RIC1: variants seen among roughly 807,000 people sequenced by gnomAD.
RIC1 encodes guanine nucleotide exchange factor subunit RIC1.
A neutral mutation model predicts 169.0 loss-of-function variants in RIC1; 88 were observed. The observed-to-expected ratio is 0.52, with a 90% CI of 0.44 to 0.62. The LOEUF is 0.62. RIC1 is among the 20% of genes least tolerant of loss of function. The probability of loss-of-function intolerance (pLI) is 0.00; values close to 1 mark genes in which losing one functional copy is unlikely to be tolerated. For missense variants in RIC1, 1,877 were observed against 1,725.5 expected (o/e 1.09, Z -1.56); for synonymous variants, 790 against 601.5 (o/e 1.31, Z -4.59).
intron 17 of RIC1, among the ~76,000 whole-genome samples, chr9:5,758,175 GTTAA>G (rs1826118911): frequency 6.6e-6 from 1 of 152,138 alleles, no homozygotes; most frequent in Admixed American, 6.5e-5. Flanking sequence ...TTTATAATTA[GTTAA>G]TTATGAGGAA....
intron 3 of RIC1, among the ~76,000 whole-genome samples, chr9:5,701,502 A>C (rs1301038806): frequency 6.6e-6 from 1 of 152,012 alleles, no homozygotes; most frequent in Non-Finnish European, 1.5e-5. Flanking sequence ...AGGAGGCTGA[A>C]GCAAATTGCT....
Position 5,755,373 on chromosome 9 carries a change from C to A in RIC1, c.1692+443C>A, listed in dbSNP as rs540583651. 4.6e-5 allele frequency among the ~76,000 whole-genome samples: 7 copies of A among 152,228 alleles called. No individual in the cohort carries two copies. The South Asian group carries it at 1.5e-3, about 32-fold the overall frequency. ...AGCACTATCTTTTTTCCTATACATA[C>A]ATACCTATGATAAAGTTTAATTTGT... On this transcript the variant is annotated intron_variant, in intron 15 of 25. Transcript: ENST00000414202.
chr9:5,729,571 C>T (rs1365362057), intron 6 of RIC1, among the ~76,000 whole-genome samples: 1 of 152,040 alleles, frequency 6.6e-6, no homozygotes, highest in East Asian at 1.9e-4. Flanking sequence ...TTTTTTTAAA[C>T]AAAAACTCTT....
chr9:5,695,597 G>C (rs1821848460), intron 3 of RIC1, among the ~76,000 whole-genome samples: 1 of 140,782 alleles, frequency 7.1e-6, no homozygotes, highest in Non-Finnish European at 1.5e-5. Context: ...TTTTGAGACA[G>C]AGTCTCGCTC....
At chr9:5,685,699 T>C (rs919045694) in intron 2 of RIC1, among the ~76,000 whole-genome samples, 21 of 151,060 alleles carry the variant, frequency 1.4e-4, no homozygotes, top group Non-Finnish European at 2.4e-4. Flanking sequence ...GCATTACCAT[T>C]CAGGACATAG....
Position 5,629,280 on chromosome 9 carries a change from A to G in RIC1, c.-30A>G. On this transcript the variant is annotated 5_prime_UTR_variant, in exon 1 of 26. Transcript: ENST00000414202. ...GGGGCCGCTGAGTGTGACGGACGCA[A>G]CTGGGGGCGCCGGGGGCTCCGCACG... 1.4e-6 allele frequency: 2 copies of G among 1,464,586 alleles called. No homozygotes were observed. Among genetic ancestry groups the G allele is most frequent in the Non-Finnish European group, 1.8e-6 (2 of 1,108,576 alleles). The allele number at this position is 1,464,586 out of a possible 1,614,324, so 90.7% of individuals were successfully genotyped here. A position where few individuals can be genotyped will look rare whatever the true frequency, so the allele number is the denominator to read the frequency against.
chr9:5,650,848 A>C (rs1037007598), intron 1 of RIC1, among the ~76,000 whole-genome samples: 1 of 151,864 alleles, frequency 6.6e-6, no homozygotes, highest in Non-Finnish European at 1.5e-5. Flanking sequence ...AATACCAGGG[A>C]CTCTGCCACT....
rs982268642 is a variant in RIC1 at position 5,769,136 on chromosome 9, G to T, written c.3304G>T (p.Ala1102Ser). Residue 1102 changes from alanine (A) to serine (S), a missense_variant, in exon 22 of 26, where the codon GCC becomes TCC. Transcript: ENST00000414202. ...GCTATGCAAGGAACGTACCCGAGCCGCCCGGGTAGACAACTTTGTAATAGC... is the reference window on the plus strand; with the variant it reads ...GCTATGCAAGGAACGTACCCGAGCCTCCCGGGTAGACAACTTTGTAATAGC... ...SWLCKERTRA[A>S]RVDNFVIALK... 8 of 1,613,978 alleles carry T rather than the reference G, an allele frequency of 5.0e-6. No homozygotes were observed. In the African/African-American group the frequency reaches 1.1e-4, roughly 22 times the overall value.
At chr9:5,768,880 T>C in intron 21 of RIC1, 90 bp from the exon 22 acceptor site, 2 of 1,367,688 alleles carry the variant, frequency 1.5e-6, no homozygotes, top group African/African-American at 1.4e-5. Context: ...TCTTATCTCC[T>C]TGTCAGCTTT....
chr9:5,674,936 A>G (rs1338793433), intron 2 of RIC1, among the ~76,000 whole-genome samples: 2 of 152,238 alleles, frequency 1.3e-5, no homozygotes, highest in Non-Finnish European at 2.9e-5. Flanking sequence ...TTGGTTTACA[A>G]CTATGTTCTA....
rs191114682 is a variant in RIC1 at position 5,645,924 on chromosome 9, G to C, written c.145-10659G>C. On this transcript the variant is annotated intron_variant, in intron 1 of 25. Transcript: ENST00000414202. Reference sequence around the variant, plus strand: ...TGGGTACATACCCAGAAGTGGACCTGCTGTTTCATTTGGTTATTCTATAGG... The same window carrying C: ...TGGGTACATACCCAGAAGTGGACCTCCTGTTTCATTTGGTTATTCTATAGG... Among the ~76,000 whole-genome samples the C allele has an allele frequency of 2.3e-3, 350 of 149,792 alleles. 1 individual carries two copies. Among genetic ancestry groups the C allele is most frequent in the African/African-American group, 7.5e-3 (306 of 40,694 alleles).
chr9:5,662,101 G>C (rs886675378), intron 2 of RIC1, among the ~76,000 whole-genome samples: 5 of 152,168 alleles, frequency 3.3e-5, no homozygotes, highest in African/African-American at 1.2e-4. Context: ...TGTGGTTTTT[G>C]TGTTCAGTTC....
At chr9:5,636,295 A>G (rs541177404) in intron 1 of RIC1, among the ~76,000 whole-genome samples, 1 of 152,100 alleles carries the variant, frequency 6.6e-6, no homozygotes, top group South Asian at 2.1e-4. Context: ...TTTTGGAGCT[A>G]CCATAAATGG....
At chr9:5,758,751 T>G (rs998113929) in intron 17 of RIC1, among the ~76,000 whole-genome samples, 2 of 149,786 alleles carry the variant, frequency 1.3e-5, no homozygotes, top group African/African-American at 4.9e-5. Context: ...TGTCCTTTTT[T>G]CTTTTTTTTT....
At chr9:5,680,955 T>C (rs1384299288) in intron 2 of RIC1, among the ~76,000 whole-genome samples, 2 of 147,376 alleles carry the variant, frequency 1.4e-5, no homozygotes, top group Non-Finnish European at 3.0e-5. Flanking sequence ...GCCTCCCGAG[T>C]AGCTGGGACT....
chr9:5,680,850 G>T (rs58150135), intron 2 of RIC1, among the ~76,000 whole-genome samples: 3 of 90,636 alleles, frequency 3.3e-5, no homozygotes, highest in African/African-American at 7.8e-5. Context: ...TTTTTGAGAC[G>T]GAGTCTCGCT....
At chr9:5,744,269 AG>A (rs1162663220) in intron 10 of RIC1, among the ~76,000 whole-genome samples, 1 of 151,988 alleles carries the variant, frequency 6.6e-6, no homozygotes, top group Non-Finnish European at 1.5e-5. Context: ...TTTTAACATG[AG>A]GTGAAATGCT....
At chr9:5,769,633 C>A in intron 22 of RIC1, 2 of 389,650 alleles carry the variant, frequency 5.1e-6, no homozygotes, top group South Asian at 3.5e-5. Context: ...AACAGTAAGG[C>A]CACCTTCTAA....
intron 8 of RIC1, among the ~76,000 whole-genome samples, chr9:5,741,932 T>G (rs983840121): frequency 8.5e-5 from 13 of 152,164 alleles, no homozygotes; most frequent in Non-Finnish European, 4.4e-5. Flanking sequence ...GGATTTAAAT[T>G]TCTTTGCTTC....
Sources: allele counts gnomAD v4.1 joint callset (sites outside exome capture counted in the v4.1 genomes callset), GRCh38; gene constraint gnomAD v4.1.1; transcripts MANE v1.5; gene names NCBI Gene and HGNC (gene_info 2026-07-23, HGNC 2026-07-21).